The following LOC128125817 variants were observed in gnomAD, a reference collection of about 807,000 sequenced individuals.
At chr1:41,592,947 C>T in the LOC128125817 span, among the ~76,000 whole-genome samples, 1 of 152,298 alleles carries the variant, frequency 6.6e-6, no homozygotes, top group South Asian at 2.1e-4. Flanking sequence ...TCCTGACCTG[C>T]TGACCCTCTC....
At chr1:41,628,751 G>A in the LOC128125817 span, 5 of 1,232,138 alleles carry the variant, frequency 4.1e-6, no homozygotes, top group Non-Finnish European at 5.1e-6. Context: ...TTTCCTACCT[G>A]TGCTGAAGGC....
chr1:41,598,130 C>T, the LOC128125817 span, among the ~76,000 whole-genome samples: 4 of 152,178 alleles, frequency 2.6e-5, no homozygotes, highest in African/African-American at 9.7e-5. Flanking sequence ...AAGAACAAAG[C>T]CTGAAATGAG....
chr1:41,599,622 T>C, the LOC128125817 span, among the ~76,000 whole-genome samples: 1 of 152,144 alleles, frequency 6.6e-6, no homozygotes, highest in Non-Finnish European at 1.5e-5. Flanking sequence ...GATAAAACTA[T>C]AGAACTCTTA....
the LOC128125817 span, among the ~76,000 whole-genome samples, chr1:41,615,870 T>C: frequency 6.7e-6 from 1 of 149,228 alleles, no homozygotes; most frequent in Non-Finnish European, 1.5e-5. Flanking sequence ...TTCACTAGTG[T>C]TATATTATCA....
the LOC128125817 span, among the ~76,000 whole-genome samples, chr1:41,619,323 C>G: frequency 2.6e-5 from 4 of 152,238 alleles, no homozygotes; most frequent in Non-Finnish European, 5.9e-5. Flanking sequence ...CCCGTGCCCC[C>G]TATTCCTTTC....
the LOC128125817 span, among the ~76,000 whole-genome samples, chr1:41,601,497 T>G: frequency 1.3e-5 from 2 of 152,150 alleles, no homozygotes; most frequent in Admixed American, 6.5e-5. Flanking sequence ...CTAAGTATTG[T>G]TTTAGGTGTT....
chr1:41,617,300 T>C, the LOC128125817 span, among the ~76,000 whole-genome samples: 203 of 152,348 alleles, frequency 1.3e-3, 1 homozygote, highest in African/African-American at 4.6e-3. Flanking sequence ...TGGATCAATG[T>C]GTGTGTTTTT....
the LOC128125817 span, among the ~76,000 whole-genome samples, chr1:41,599,063 C>A: frequency 6.6e-6 from 1 of 152,114 alleles, no homozygotes. Flanking sequence ...GTGATCCACC[C>A]ACCTTGGCCT....
At chr1:41,600,969 G>T in the LOC128125817 span, among the ~76,000 whole-genome samples, 3,624 of 152,116 alleles carry the variant, frequency 0.024, 68 homozygotes, top group Middle Eastern at 0.082. Context: ...TCATTCTTTT[G>T]CATATGAATA....
chr1:41,605,920 C>T, the LOC128125817 span, among the ~76,000 whole-genome samples: 1 of 152,272 alleles, frequency 6.6e-6, no homozygotes, highest in South Asian at 2.1e-4. Flanking sequence ...TGAACCTTCT[C>T]ACGGTCATGA....
At chr1:41,594,050 A>AT in the LOC128125817 span, among the ~76,000 whole-genome samples, 22 of 152,088 alleles carry the variant, frequency 1.4e-4, no homozygotes, top group Admixed American at 5.9e-4. Context: ...TTGTGATTAC[A>AT]TTGAGTCCAC....
the LOC128125817 span, among the ~76,000 whole-genome samples, chr1:41,611,017 A>T: frequency 6.6e-6 from 1 of 151,256 alleles, no homozygotes; most frequent in Non-Finnish European, 1.5e-5. Flanking sequence ...CTTCCATTCA[A>T]CCAGGTGAAC....
the LOC128125817 span, among the ~76,000 whole-genome samples, chr1:41,627,214 T>A: frequency 6.6e-6 from 1 of 152,194 alleles, no homozygotes; most frequent in Admixed American, 6.5e-5. Context: ...AGGTCCTTGT[T>A]AACGTGGCTG....
the LOC128125817 span, among the ~76,000 whole-genome samples, chr1:41,616,250 C>T: frequency 5.6e-4 from 85 of 152,310 alleles, no homozygotes; most frequent in African/African-American, 2.0e-3. Flanking sequence ...CAAGTGGAAC[C>T]ATGTGGGCTC....
chr1:41,619,014 C>T, the LOC128125817 span, among the ~76,000 whole-genome samples: 4 of 152,166 alleles, frequency 2.6e-5, no homozygotes, highest in Admixed American at 6.5e-5. Flanking sequence ...CTGCTGCCCC[C>T]GCCCCCTCCA....
chr1:41,599,821 T>C, the LOC128125817 span, among the ~76,000 whole-genome samples: 1 of 152,254 alleles, frequency 6.6e-6, no homozygotes, highest in South Asian at 2.1e-4. Flanking sequence ...TTGCAAATCA[T>C]ATATCTGATA....
chr1:41,628,762 A>G, the LOC128125817 span: 4 of 1,232,074 alleles, frequency 3.2e-6, no homozygotes, highest in South Asian at 1.2e-4. Flanking sequence ...TGCTGAAGGC[A>G]CCACTTCCGA....
the LOC128125817 span, among the ~76,000 whole-genome samples, chr1:41,590,080 A>G: frequency 6.6e-6 from 1 of 152,192 alleles, no homozygotes; most frequent in African/African-American, 2.4e-5. Context: ...TGTGTGTTTA[A>G]GCTGGAGCAG....
chr1:41,598,202 C>T, the LOC128125817 span, among the ~76,000 whole-genome samples: 1 of 152,200 alleles, frequency 6.6e-6, no homozygotes, highest in African/African-American at 2.4e-5. Flanking sequence ...CTCTCATCAA[C>T]ACCGCCTAAG....
Sources: gnomAD v4.1 joint callset for allele counts (sites outside exome capture counted in the v4.1 genomes callset) on GRCh38, gnomAD v4.1.1 for gene constraint, MANE v1.5 for transcripts.